Variants in KIAA0825 observed in about 807,000 individuals in gnomAD.
The protein encoded by KIAA0825 is uncharacterized protein KIAA0825.
KIAA0825 carries 119 observed loss-of-function variants against 147.6 expected under a neutral mutation model. The observed-to-expected ratio is 0.81, with a 90% confidence interval of 0.69 to 0.94. KIAA0825 has a LOEUF of 0.94. KIAA0825 is among the 40% of genes least tolerant of loss of function. The pLI, the probability that KIAA0825 is intolerant of heterozygous loss-of-function variation, is 0.00. For synonymous variants in KIAA0825, 470 were observed against 518.1 expected (o/e 0.91, Z 1.26); for missense variants, 1,381 against 1,472.7 (o/e 0.94, Z 1.02).
chr5:94,391,088 G>A (rs1406602511), intron 18 of KIAA0825, among the ~76,000 whole-genome samples: 1 of 152,144 alleles, frequency 6.6e-6, no homozygotes, highest in Non-Finnish European at 1.5e-5. Context: ...GGTTGCTACC[G>A]AATATGGTTC....
intron 20 of KIAA0825, among the ~76,000 whole-genome samples, chr5:94,165,353 A>T (rs1161758212): frequency 6.6e-6 from 1 of 152,198 alleles, no homozygotes; most frequent in Non-Finnish European, 1.5e-5. Flanking sequence ...AAAGACAGGC[A>T]ATAACAAATG....
intron 20 of KIAA0825, among the ~76,000 whole-genome samples, chr5:94,238,666 A>G (rs1330979745): frequency 1.3e-5 from 2 of 152,166 alleles, no homozygotes; most frequent in Non-Finnish European, 2.9e-5. Flanking sequence ...GTACATTCTT[A>G]CCTTAGCATT....
At chr5:94,258,398 A>G (rs1776344152) in intron 20 of KIAA0825, among the ~76,000 whole-genome samples, 1 of 151,920 alleles carries the variant, frequency 6.6e-6, no homozygotes, top group Non-Finnish European at 1.5e-5. Context: ...AGTTCTGTGG[A>G]GGCATTTGCC....
At chr5:94,428,142 G>GT (rs1009600011) in intron 14 of KIAA0825, among the ~76,000 whole-genome samples, 8 of 111,976 alleles carry the variant, frequency 7.1e-5, no homozygotes, top group African/African-American at 2.0e-4. Flanking sequence ...ATAAGGTCTT[G>GT]TTGTGTGTGT....
At chr5:94,330,637 TTATGA>T (rs1781170326) in intron 20 of KIAA0825, among the ~76,000 whole-genome samples, 2 of 151,846 alleles carry the variant, frequency 1.3e-5, no homozygotes, top group Admixed American at 1.3e-4. Flanking sequence ...TCATCTAAGA[TTATGA>T]TATAAGAAAT....
At chr5:94,339,875 T>C (rs1487585547) in intron 20 of KIAA0825, among the ~76,000 whole-genome samples, 1 of 152,214 alleles carries the variant, frequency 6.6e-6, no homozygotes, top group African/African-American at 2.4e-5. Context: ...ATCTACCTTA[T>C]AAACTTAAAA....
intron 2 of KIAA0825, among the ~76,000 whole-genome samples, chr5:94,556,849 C>T (rs1027604423): frequency 1.3e-5 from 2 of 152,176 alleles, no homozygotes; most frequent in Non-Finnish European, 2.9e-5. Context: ...TACTCCTCAA[C>T]CCAGAGTAAT....
chr5:94,414,573 A>T (rs1052931157), intron 15 of KIAA0825: 1 of 152,208 alleles, frequency 6.6e-6, no homozygotes, highest in African/African-American at 2.4e-5. Context: ...CTAAAGAGTT[A>T]TGTGTTAGAT....
rs529778617 is a variant in KIAA0825, at chr5:94,342,043, G to C, written c.3710+42325C>G. 2.2e-3 allele frequency among the ~76,000 whole-genome samples: 333 copies of C among 151,886 alleles called. 2 individuals carry two copies. The highest frequency in any genetic ancestry group is 3.5e-3 in the Non-Finnish European group (239 of 67,872). ...CCCGTCTCTACTAAAAATACAAAAA[G>C]AAGTTAGCCGGGCGTGGTGGCAGGC... On this transcript the variant is annotated intron_variant, in intron 20 of 20. Coordinates refer to ENST00000682413, the MANE Select transcript of KIAA0825 (RefSeq NM_001145678.3).
intron 5 of KIAA0825, among the ~76,000 whole-genome samples, chr5:94,512,363 G>A (rs191045413): frequency 1.5e-4 from 23 of 152,078 alleles, no homozygotes; most frequent in Admixed American, 7.9e-4. Flanking sequence ...TAGCCCATTG[G>A]AAAAATGACT....
chr5:94,397,617 TG>T (rs1216383958), intron 16 of KIAA0825, among the ~76,000 whole-genome samples: 1 of 152,180 alleles, frequency 6.6e-6, no homozygotes, highest in Non-Finnish European at 1.5e-5. Flanking sequence ...TTGGGTTGGA[TG>T]ATCCTTTGTT....
chr5:94,320,864 A>G (rs142076638), intron 20 of KIAA0825, among the ~76,000 whole-genome samples: 238 of 152,198 alleles, frequency 1.6e-3, no homozygotes, highest in Middle Eastern at 6.8e-3. Flanking sequence ...TATACTTTGC[A>G]CAATTTTTTT....
chr5:94,236,741 C>A (rs556386053), intron 20 of KIAA0825, among the ~76,000 whole-genome samples: 1 of 152,336 alleles, frequency 6.6e-6, no homozygotes, highest in African/African-American at 2.4e-5. Flanking sequence ...AACCACCACT[C>A]TGACTAGTTA....
intron 14 of KIAA0825, among the ~76,000 whole-genome samples, chr5:94,436,414 G>A (rs968629015): frequency 2.0e-5 from 3 of 151,992 alleles, no homozygotes; most frequent in East Asian, 1.9e-4. Context: ...CAGATTTGTC[G>A]AAGATCACAC....
intron 20 of KIAA0825, among the ~76,000 whole-genome samples, chr5:94,257,336 A>G (rs1270825697): frequency 6.6e-6 from 1 of 152,132 alleles, no homozygotes; most frequent in Non-Finnish European, 1.5e-5. Context: ...CACTTCAGAC[A>G]CAGACCATGC....
intron 18 of KIAA0825, among the ~76,000 whole-genome samples, chr5:94,390,569 T>C (rs1314453849): frequency 6.6e-6 from 1 of 152,210 alleles, no homozygotes; most frequent in African/African-American, 2.4e-5. Flanking sequence ...ACAAATTTCT[T>C]ACATCCTTCT....
chr5:94,173,295 T>C (rs1768800598), intron 20 of KIAA0825, among the ~76,000 whole-genome samples: 1 of 152,170 alleles, frequency 6.6e-6, no homozygotes, highest in Non-Finnish European at 1.5e-5. Flanking sequence ...ACAGTTACTA[T>C]TGCACAATAA....
chr5:94,397,301 C>T (rs1750795761), intron 16 of KIAA0825, among the ~76,000 whole-genome samples: 1 of 152,170 alleles, frequency 6.6e-6, no homozygotes, highest in Non-Finnish European at 1.5e-5. Context: ...TATGCTATTT[C>T]CACTTTCTAT....
At chr5:94,605,129 A>G (rs1489652458) in intron 1 of KIAA0825, among the ~76,000 whole-genome samples, 1 of 152,176 alleles carries the variant, frequency 6.6e-6, no homozygotes, top group African/African-American at 2.4e-5. Flanking sequence ...AGAGAATATT[A>G]TAAACACCTC....
Sources: gnomAD v4.1 joint callset for allele counts (sites outside exome capture counted in the v4.1 genomes callset) on GRCh38, gnomAD v4.1.1 for gene constraint, MANE v1.5 for transcripts, NCBI Gene and HGNC (gene_info 2026-07-23, HGNC 2026-07-21) for gene names.